Variants in HPSE2 observed in about 807,000 individuals in gnomAD.
The protein encoded by HPSE2 is inactive heparanase-2.
In HPSE2, 38 loss-of-function variants were observed where a neutral mutation model predicts 60.5. That is an observed-to-expected ratio of 0.63 (90% confidence interval 0.48 to 0.82). The LOEUF (loss-of-function observed/expected upper bound fraction) is 0.82. Among genes scored for constraint, HPSE2 ranks in the 40% least tolerant of loss-of-function variants. The pLI, the probability that HPSE2 is intolerant of heterozygous loss-of-function variation, is 0.00. For missense variants in HPSE2, 713 were observed against 740.4 expected (o/e 0.96, Z 0.43); for synonymous variants, 295 against 293.2 (o/e 1.01, Z -0.06).
intron 7 of HPSE2, among the ~76,000 whole-genome samples, chr10:98,628,333 C>A (rs949592101): frequency 6.6e-6 from 1 of 152,060 alleles, no homozygotes; most frequent in Non-Finnish European, 1.5e-5. Flanking sequence ...ACAGATGGAA[C>A]CAGCTGCAAA....
intron 9 of HPSE2, among the ~76,000 whole-genome samples, chr10:98,532,745 A>G (rs1001659627): frequency 5.3e-5 from 8 of 152,154 alleles, no homozygotes; most frequent in Admixed American, 2.6e-4. Flanking sequence ...TCCAGGTATA[A>G]TCAGCTTTTT....
At chr10:98,760,960 G>C (rs1183513442) in intron 3 of HPSE2, among the ~76,000 whole-genome samples, 1 of 152,018 alleles carries the variant, frequency 6.6e-6, no homozygotes, top group African/African-American at 2.4e-5. Flanking sequence ...GCTTTACTTT[G>C]TTAGAAGGTT....
intron 3 of HPSE2, among the ~76,000 whole-genome samples, chr10:98,939,402 T>C (rs1398674819): frequency 7.1e-6 from 1 of 141,750 alleles, no homozygotes; most frequent in Non-Finnish European, 1.5e-5. Flanking sequence ...ACCAAGCAAA[T>C]GGAAAACAAA....
intron 3 of HPSE2, among the ~76,000 whole-genome samples, chr10:98,802,557 G>A (rs1212222017): frequency 6.9e-6 from 1 of 144,320 alleles, no homozygotes; most frequent in Non-Finnish European, 1.5e-5. Flanking sequence ...ACCTATGAGT[G>A]AGAATATGCG....
chr10:98,751,233 A>C (rs1468343383), intron 3 of HPSE2, among the ~76,000 whole-genome samples: 1 of 152,184 alleles, frequency 6.6e-6, no homozygotes, highest in Non-Finnish European at 1.5e-5. Context: ...AACAAAGCTT[A>C]TAGACATGGC....
intron 3 of HPSE2, among the ~76,000 whole-genome samples, chr10:99,045,047 A>G (rs1197592534): frequency 6.6e-6 from 1 of 152,204 alleles, no homozygotes; most frequent in Non-Finnish European, 1.5e-5. Context: ...TCCACCCAAC[A>G]ATGACAGAAT....
At chr10:98,495,294 C>T (rs1160873450) in intron 9 of HPSE2, among the ~76,000 whole-genome samples, 1 of 152,066 alleles carries the variant, frequency 6.6e-6, no homozygotes, top group Non-Finnish European at 1.5e-5. Flanking sequence ...CAATTCACTT[C>T]ACTCATGCTG....
chr10:99,113,348 A>T (rs1189514134), intron 3 of HPSE2, among the ~76,000 whole-genome samples: 3 of 152,200 alleles, frequency 2.0e-5, no homozygotes, highest in Non-Finnish European at 4.4e-5. Flanking sequence ...TCCTGCTCAT[A>T]ACCATTCTTC....
At chr10:98,814,959 T>C (rs751356778) in intron 3 of HPSE2, among the ~76,000 whole-genome samples, 13 of 151,082 alleles carry the variant, frequency 8.6e-5, no homozygotes, top group Non-Finnish European at 1.9e-4. Flanking sequence ...CTGCTGAGAA[T>C]AACTAGAAAA....
At chr10:98,755,832 T>C (rs963131638) in intron 3 of HPSE2, among the ~76,000 whole-genome samples, 1 of 151,656 alleles carries the variant, frequency 6.6e-6, no homozygotes, top group African/African-American at 2.4e-5. Flanking sequence ...CCCATCTCTA[T>C]GAAAAATGCA....
At chr10:99,139,383 A>G (rs1054549840) in intron 3 of HPSE2, among the ~76,000 whole-genome samples, 2 of 152,160 alleles carry the variant, frequency 1.3e-5, no homozygotes, top group African/African-American at 4.8e-5. Context: ...CTTCATCACT[A>G]TACAATTCAT....
At chr10:98,858,215 T>C (rs996928560) in intron 3 of HPSE2, among the ~76,000 whole-genome samples, 3 of 152,230 alleles carry the variant, frequency 2.0e-5, no homozygotes, top group Non-Finnish European at 2.9e-5. Flanking sequence ...CTTTGAAAGA[T>C]GAAATTTGGT....
At chr10:98,558,130 T>C (rs1458531981) in intron 9 of HPSE2, among the ~76,000 whole-genome samples, 1 of 151,728 alleles carries the variant, frequency 6.6e-6, no homozygotes, top group African/African-American at 2.4e-5. Context: ...GAAAAAAAAA[T>C]CAAGTGTTGA....
chr10:98,754,384 G>A lies in HPSE2; in HGVS notation c.611-10328C>T, dbSNP rs987253497. On this transcript the variant is annotated intron_variant, in intron 3 of 11. Transcript: ENST00000370552. Reference sequence around the variant, plus strand: ...CGTAAAAAGACCAAATCTATGACTCGCTGGCATTCTTGAAAGGAGAGAGAG... The same window carrying A: ...CGTAAAAAGACCAAATCTATGACTCACTGGCATTCTTGAAAGGAGAGAGAG... Among the ~76,000 whole-genome samples the A allele has an allele frequency of 2.6e-5, 4 of 151,990 alleles. No individual in the cohort carries two copies. In the East Asian group the frequency reaches 5.8e-4, roughly 22 times the overall value.
intron 3 of HPSE2, among the ~76,000 whole-genome samples, chr10:99,105,778 C>T (rs1056533901): frequency 6.6e-6 from 1 of 151,664 alleles, no homozygotes; most frequent in Non-Finnish European, 1.5e-5. Flanking sequence ...GTCTATGGTC[C>T]ATTTTGAGCT....
chr10:99,200,997 A>C (rs1175797380), intron 2 of HPSE2, among the ~76,000 whole-genome samples: 1 of 152,204 alleles, frequency 6.6e-6, no homozygotes, highest in Admixed American at 6.5e-5. Flanking sequence ...TCAGGCAAAA[A>C]GAATAAATAG....
intron 3 of HPSE2, among the ~76,000 whole-genome samples, chr10:99,031,397 T>C (rs1032618255): frequency 1.3e-5 from 2 of 152,176 alleles, no homozygotes; most frequent in African/African-American, 4.8e-5. Context: ...CATTATCCCC[T>C]GAAACTAAAA....
At chr10:98,864,028 T>C (rs1003126169) in intron 3 of HPSE2, among the ~76,000 whole-genome samples, 11 of 152,232 alleles carry the variant, frequency 7.2e-5, no homozygotes, top group African/African-American at 2.6e-4. Context: ...TGTGTGTAAA[T>C]GAATTAAAAA....
At chr10:99,192,435 G>C (rs1296131162) in intron 2 of HPSE2, among the ~76,000 whole-genome samples, 1 of 152,136 alleles carries the variant, frequency 6.6e-6, no homozygotes, top group Non-Finnish European at 1.5e-5. Context: ...GGCCAGGAAA[G>C]AGTAGCATGA....
Sources: allele counts gnomAD v4.1 joint callset (sites outside exome capture counted in the v4.1 genomes callset), GRCh38; gene constraint gnomAD v4.1.1; transcripts MANE v1.5; gene names NCBI Gene and HGNC (gene_info 2026-07-23, HGNC 2026-07-21).